DPP6: variants seen among roughly 807,000 people sequenced by gnomAD.
The protein encoded by DPP6 is dipeptidyl peptidase like 6.
Under a neutral mutation model 122.6 loss-of-function variants are expected in DPP6, and 69 were observed. The observed-to-expected ratio is 0.56, with a 90% CI of 0.46 to 0.69. The LOEUF (loss-of-function observed/expected upper bound fraction) is 0.69, where lower values mean the gene tolerates loss of function less well. Ranked by LOEUF, DPP6 falls within the 30% of genes least tolerant of loss-of-function variation. DPP6 has a pLI of 0.00. For missense variants in DPP6, 928 were observed against 1,116.9 expected, an observed-to-expected ratio of 0.83 and a Z score of 2.41; for synonymous variants, 418 against 433.1, an observed-to-expected ratio of 0.97 and a Z score of 0.43.
the DPP6 span, among the ~76,000 whole-genome samples, chr7:153,871,446 G>A: frequency 6.6e-6 from 1 of 152,178 alleles, no homozygotes; most frequent in African/African-American, 2.4e-5. Context: ...AGGACCCTCC[G>A]AGCCAAGTGC....
intron 19 of DPP6, among the ~76,000 whole-genome samples, chr7:154,873,958 G>GCACACACA (rs796215782): frequency 0.012 from 1,751 of 145,160 alleles, 13 homozygotes; most frequent in East Asian, 0.037. Context: ...ACACACACAC[G>GCACACACA]CACCTGCATA....
chr7:154,052,049 G>A (rs1384992958), upstream of DPP6, among the ~76,000 whole-genome samples: 6 of 151,318 alleles, frequency 4.0e-5, no homozygotes, highest in Non-Finnish European at 7.4e-5. This position sits in a 1 kb window ranked among gnomAD's most constrained non-coding sequence, Gnocchi z 4.8. Context: ...ACCTTCAGTC[G>A]CCCCCTGGCC....
At chr7:154,668,197 T>TATATATATA (rs1838288618) in intron 6 of DPP6, among the ~76,000 whole-genome samples, 1 of 36,476 alleles carries the variant, frequency 2.7e-5, no homozygotes, top group African/African-American at 5.9e-5. Flanking sequence ...TGTGTATATT[T>TATATATATA]TATATATATA....
At position 154,624,413 on chromosome 7, in the gene DPP6, A is replaced by G. The variant is rs1337002373; in HGVS notation, c.628-13408A>G. Among the ~76,000 whole-genome samples, 1 of 151,738 alleles carries G rather than the reference A, an allele frequency of 6.6e-6. No homozygotes were observed. Among genetic ancestry groups the G allele is most frequent in the Non-Finnish European group, 1.5e-5 (1 of 67,986 alleles). ...AGGCTGAGGCAGGAAAATCACTTGT[A>G]CCCAGGAGACAGAGATTGCGCCGCT... On this transcript the variant is annotated intron_variant, in intron 5 of 25. Transcript: ENST00000377770. This position sits in a 1 kb window ranked among gnomAD's most constrained non-coding sequence, Gnocchi z 4.7.
At chr7:154,881,785 CCTCCTCCTTACCTGCCGGA>C (rs949856925) in intron 21 of DPP6, among the ~76,000 whole-genome samples, 28 of 152,344 alleles carry the variant, frequency 1.8e-4, no homozygotes, top group African/African-American at 6.5e-4. Flanking sequence ...CCCTCCCACA[CCTCCTCCTTACCTGCCGGA>C]GGTGAAGTGG....
chr7:153,801,479 CT>C, the DPP6 span, among the ~76,000 whole-genome samples: 1 of 152,138 alleles, frequency 6.6e-6, no homozygotes, highest in Non-Finnish European at 1.5e-5. Context: ...GGAATGGACT[CT>C]GGGTCACTGG....
At chr7:154,676,109 A>G (rs923770529) in intron 7 of DPP6, among the ~76,000 whole-genome samples, 2 of 142,288 alleles carry the variant, frequency 1.4e-5, no homozygotes, top group Admixed American at 6.9e-5. Context: ...GTTCCGGGCT[A>G]CAGCCTTGCA....
At chr7:154,054,152 C>T (rs990601809) in intron 1 of DPP6, among the ~76,000 whole-genome samples, 1 of 151,884 alleles carries the variant, frequency 6.6e-6, no homozygotes, top group Non-Finnish European at 1.5e-5. Flanking sequence ...ACCTGGGAAC[C>T]GCAGGGGTCC....
At chr7:153,934,074 C>T (rs1372986394) in intron 1 of DPP6, among the ~76,000 whole-genome samples, 1 of 152,210 alleles carries the variant, frequency 6.6e-6, no homozygotes, top group African/African-American at 2.4e-5. Context: ...AAGAGGACAG[C>T]CCTGCTGTAG....
At chr7:154,206,521 T>C (rs1051955919) in intron 1 of DPP6, among the ~76,000 whole-genome samples, 1 of 152,190 alleles carries the variant, frequency 6.6e-6, no homozygotes, top group African/African-American at 2.4e-5. Context: ...TGAGAAACTC[T>C]CCCAACGTGT....
At chr7:154,338,074 C>G (rs1809590754) in intron 1 of DPP6, among the ~76,000 whole-genome samples, 1 of 152,176 alleles carries the variant, frequency 6.6e-6, no homozygotes, top group Non-Finnish European at 1.5e-5. Flanking sequence ...TAACTTTAGT[C>G]TGGATTCACA....
rs185284816 is a variant in DPP6, at chr7:154,451,958, C to A, written c.358+5630C>A. On this transcript the variant is annotated intron_variant, in intron 2 of 25. Transcript: ENST00000377770. ...ACCGAGGCCTGACTGCATCCACTCT[C>A]CTGCAATACAGCAATGGCTTGTGTT... 3.9e-5 allele frequency among the ~76,000 whole-genome samples: 6 copies of A among 152,332 alleles called. No homozygotes were observed. In the East Asian group the frequency reaches 1.2e-3, roughly 29 times the overall value.
rs546364587 is a variant in DPP6, at chr7:154,294,911, C to A, written c.244-151303C>A. 1.5e-4 allele frequency among the ~76,000 whole-genome samples: 23 copies of A among 152,256 alleles called. 2 individuals are homozygous for A. The highest frequency in any genetic ancestry group is 1.5e-3 in the Admixed American group (23 of 15,280). ...CAGCCCCAGAAATGTCACCTGGAGCCGTTAAAAAAACATAAACAAGGCATC... is the reference window on the plus strand; with the variant it reads ...CAGCCCCAGAAATGTCACCTGGAGCAGTTAAAAAAACATAAACAAGGCATC... On this transcript the variant is annotated intron_variant, in intron 1 of 25. Transcript: ENST00000377770.
chr7:154,438,190 G>A (rs1006066641), intron 1 of DPP6, among the ~76,000 whole-genome samples: 2 of 151,980 alleles, frequency 1.3e-5, no homozygotes, highest in African/African-American at 4.8e-5. Context: ...CCTAAAGGCT[G>A]GGCACTGTGG....
At chr7:154,060,414 G>A (rs888260436) in intron 1 of DPP6, among the ~76,000 whole-genome samples, 6 of 132,736 alleles carry the variant, frequency 4.5e-5, no homozygotes, top group Non-Finnish European at 8.3e-5. Flanking sequence ...CGCAGAGGGG[G>A]GAGGCACCCC....
At chr7:154,258,140 G>GAGGCGAGGC (rs1563378263) in intron 1 of DPP6, among the ~76,000 whole-genome samples, 1 of 136,208 alleles carries the variant, frequency 7.3e-6, no homozygotes, top group Non-Finnish European at 1.6e-5. Context: ...CGAGGCGAGG[G>GAGGCGAGGC]GAGGGGAGGC....
At chr7:154,169,320 A>G (rs1266057131) in intron 1 of DPP6, among the ~76,000 whole-genome samples, 9 of 148,880 alleles carry the variant, frequency 6.0e-5, no homozygotes, top group Admixed American at 6.0e-4. Flanking sequence ...TGGGTGCCAT[A>G]TGGTGGTGGG....
the DPP6 span, among the ~76,000 whole-genome samples, chr7:153,810,677 T>TCTCTC: frequency 1.6e-5 from 1 of 62,898 alleles, no homozygotes; most frequent in Non-Finnish European, 3.2e-5. Context: ...CTCTCCTCTC[T>TCTCTC]CTCTCTCTCT....
At chr7:153,936,413 G>A (rs539998156) in intron 1 of DPP6, among the ~76,000 whole-genome samples, 9 of 152,240 alleles carry the variant, frequency 5.9e-5, no homozygotes, top group Non-Finnish European at 7.4e-5. Context: ...CCGCGAGCTC[G>A]TCACCCCACG....
Sources: gnomAD v4.1 joint callset for allele counts (sites outside exome capture counted in the v4.1 genomes callset) on GRCh38, gnomAD v4.1.1 for gene constraint, Gnocchi (gnomAD v3.1) non-coding constraint, MANE v1.5 for transcripts, NCBI Gene and HGNC (gene_info 2026-07-23, HGNC 2026-07-21) for gene names.